Variants in KATNAL1 observed in about 807,000 individuals in gnomAD.
The protein encoded by KATNAL1 is katanin catalytic subunit A1 like 1.
In KATNAL1, 32 loss-of-function variants were observed where a neutral mutation model predicts 55.2. The ratio of observed to expected loss-of-function variants is 0.58; its 90% CI spans 0.44 to 0.78. KATNAL1 has a LOEUF of 0.78. KATNAL1 is among the 30% of genes least tolerant of loss of function. The probability of loss-of-function intolerance (pLI) is 0.00; values close to 1 mark genes in which losing one functional copy is unlikely to be tolerated. For synonymous variants in KATNAL1, 193 were observed against 193.6 expected, an observed-to-expected ratio of 1.00 and a Z score of 0.02; for missense variants, 466 against 600.9, an observed-to-expected ratio of 0.78 and a Z score of 2.35.
intron 9 of KATNAL1, among the ~76,000 whole-genome samples, chr13:30,223,118 A>G (rs1336050279): frequency 6.6e-6 from 1 of 151,630 alleles, no homozygotes; most frequent in Admixed American, 6.6e-5. Context: ...AAAAAGAGAT[A>G]CAGACTGGAC....
chr13:30,208,418 T>A lies in KATNAL1; in HGVS notation c.*122A>T, dbSNP rs1311027332. The A allele has an allele frequency of 1.7e-5, 13 of 751,794 alleles. No homozygotes were observed. The highest frequency in any genetic ancestry group is 2.7e-5 in the Non-Finnish European group (13 of 480,942). 46.6% of individuals were successfully genotyped at this position (751,794 alleles called of 1,614,324 possible). ...TAGTATTCTTCGCAGTTTTAGATTTTTTTTTCCTTTAAGCGAAAACCACTC... is the reference window on the plus strand; with the variant it reads ...TAGTATTCTTCGCAGTTTTAGATTTATTTTTCCTTTAAGCGAAAACCACTC... On this transcript the variant is annotated 3_prime_UTR_variant, in exon 11 of 11. Transcript: ENST00000380615.
intron 6 of KATNAL1, among the ~76,000 whole-genome samples, chr13:30,233,872 C>A (rs1566096715): frequency 6.6e-6 from 1 of 152,100 alleles, no homozygotes; most frequent in Non-Finnish European, 1.5e-5. Flanking sequence ...TGTTTTCATT[C>A]ATTTGTGGGA....
intron 4 of KATNAL1, among the ~76,000 whole-genome samples, chr13:30,246,705 C>T (rs1445567449): frequency 6.6e-6 from 1 of 152,016 alleles, no homozygotes; most frequent in African/African-American, 2.4e-5. Context: ...GAAAAAAACA[C>T]AAATAACCCC....
At position 30,202,930 on chromosome 13, in the gene KATNAL1, T is replaced by C. The variant is rs1298660568; in HGVS notation, c.*5610A>G. The C allele has an allele frequency of 6.6e-6, 1 of 152,238 alleles. No individual in the cohort carries two copies. Among genetic ancestry groups the C allele is most frequent in the Non-Finnish European group, 1.5e-5 (1 of 68,044 alleles). 9.4% of individuals were successfully genotyped at this position (152,238 alleles called of 1,614,324 possible). A position where few individuals can be genotyped will look rare whatever the true frequency, so the allele number is the denominator to read the frequency against. On this transcript the variant is annotated 3_prime_UTR_variant, in exon 11 of 11. Transcript: ENST00000380615. Reference sequence around the variant, plus strand: ...CTGCTGCCGTACCATCATATGAATATACATTTGTCAGTAAAAATGTGACAA... The same window carrying C: ...CTGCTGCCGTACCATCATATGAATACACATTTGTCAGTAAAAATGTGACAA...
intron 1 of KATNAL1, among the ~76,000 whole-genome samples, chr13:30,299,686 T>C (rs1318370936): frequency 6.6e-6 from 1 of 152,222 alleles, no homozygotes; most frequent in Non-Finnish European, 1.5e-5. Flanking sequence ...TGAGATTATG[T>C]ATTCAAAAAT....
chr13:30,257,036 A>G (rs1177426814), intron 3 of KATNAL1, among the ~76,000 whole-genome samples: 1 of 152,226 alleles, frequency 6.6e-6, no homozygotes, highest in African/African-American at 2.4e-5. Flanking sequence ...GTATTATTAC[A>G]TTATCATCTT....
intron 4 of KATNAL1, among the ~76,000 whole-genome samples, chr13:30,242,122 T>C (rs1877340260): frequency 6.6e-6 from 1 of 152,176 alleles, no homozygotes; most frequent in East Asian, 1.9e-4. Context: ...TACCAAGTCA[T>C]ATTCAAACAA....
chr13:30,298,303 T>C (rs1306961957), intron 1 of KATNAL1, among the ~76,000 whole-genome samples: 12 of 152,242 alleles, frequency 7.9e-5, no homozygotes, highest in Non-Finnish European at 4.4e-5. Context: ...TTTAGAATAA[T>C]GCTTTTGAGA....
Position 30,280,100 on chromosome 13 carries a change from G to T in KATNAL1, c.286C>A (p.Pro96Thr). 1 of 1,612,620 alleles carries T rather than the reference G, an allele frequency of 6.2e-7. No individual in the cohort carries two copies. Among genetic ancestry groups the T allele is most frequent in the South Asian group, 1.1e-5 (1 of 90,820 alleles). The change falls in exon 3 of 11, where the codon CCT becomes ACT. Residue 96 changes from proline (P) to threonine (T), a missense_variant. Physicochemically the swap from Pro to Thr is conservative, Grantham distance 38. Around this residue, in one of 3 missense-constraint regions of KATNAL1, gnomAD observed 248 missense variants for 275.5 expected, o/e 0.90. Transcript: ENST00000380615. ...VSCQDEPFRD[P>T]AVWPPPVPAE... ...GGAACAGGGGGTGGCCAAACAGCAG[G>T]ATCTCTAAATGGTTCATCTTGACAG...
Position 30,209,984 on chromosome 13 carries a change from G to A in KATNAL1, c.1274+332C>T, listed in dbSNP as rs1046888901. 2.0e-5 allele frequency among the ~76,000 whole-genome samples: 3 copies of A among 151,806 alleles called. No homozygotes were observed. In the South Asian group the frequency reaches 6.3e-4, roughly 32 times the overall value. On this transcript the variant is annotated intron_variant, in intron 10 of 10. Transcript: ENST00000380615. ...TTTTTAGTAGAGGCGGGGTTTCACC[G>A]TGTTAGCCAGGATGGTCTCGATCTC...
At chr13:30,214,271 G>C (rs1254788189) in intron 9 of KATNAL1, among the ~76,000 whole-genome samples, 1 of 152,190 alleles carries the variant, frequency 6.6e-6, no homozygotes, top group African/African-American at 2.4e-5. Flanking sequence ...TGAAATAAAA[G>C]AGGATACAAA....
chr13:30,231,330 C>T lies in KATNAL1; in HGVS notation c.869G>A (p.Arg290His), dbSNP rs371832687. The change falls in exon 7 of 11, where the codon CGT becomes CAT. Residue 290 changes from arginine (R) to histidine (H), a missense_variant. Coordinates refer to ENST00000380615, the MANE Select transcript of KATNAL1 (RefSeq NM_032116.5). ...KYRGESEKLV[R>H]LLFEMARFYA... ...GTCACTCACCATCTCAAACAACAGA[C>T]GAACTAACTTCTCAGATTCACCTCT... 31 of 1,606,848 alleles carry T rather than the reference C, an allele frequency of 1.9e-5. No individual in the cohort carries two copies. The highest frequency in any genetic ancestry group is 2.5e-5 in the Non-Finnish European group (29 of 1,176,612).
At chr13:30,271,321 T>C (rs1409126352) in intron 3 of KATNAL1, among the ~76,000 whole-genome samples, 1 of 152,226 alleles carries the variant, frequency 6.6e-6, no homozygotes. Flanking sequence ...CTTGCACTGC[T>C]ATAAAGAAAT....
At chr13:30,272,493 C>T (rs116526448) in intron 3 of KATNAL1, among the ~76,000 whole-genome samples, 1,748 of 152,270 alleles carry the variant, frequency 0.011, 38 homozygotes, top group African/African-American at 0.04. Flanking sequence ...GGGGAGATGA[C>T]AATCACTAAC....
In KATNAL1 at chr13:30,205,781, TGTGTGTGTC is replaced by T. The variant is rs1873067317; in HGVS notation, c.*2750_*2758del. 1 of 154,984 alleles carries T rather than the reference TGTGTGTGTC, an allele frequency of 6.5e-6. No individual in the cohort carries two copies. Among genetic ancestry groups the T allele is most frequent in the Non-Finnish European group, 1.4e-5 (1 of 71,292 alleles). The allele number at this position is 154,984 out of a possible 1,614,324, so 9.6% of individuals were successfully genotyped here. A position where few individuals can be genotyped will look rare whatever the true frequency, so the allele number is the denominator to read the frequency against. On this transcript the variant is annotated 3_prime_UTR_variant, in exon 11 of 11. Transcript: ENST00000380615. ...GTGTGTGTGTGTGTGTGTGTGTGTG[TGTGTGTGTC>T]TCACGCCTATAAGGCAACACACTGT... is the stretch of plus-strand genomic sequence containing the variant.
chr13:30,276,604 T>A (rs1880865560), intron 3 of KATNAL1, among the ~76,000 whole-genome samples: 1 of 152,202 alleles, frequency 6.6e-6, no homozygotes, highest in African/African-American at 2.4e-5. Flanking sequence ...GTGTGGTACT[T>A]GCTTAGAAAG....
intron 4 of KATNAL1, among the ~76,000 whole-genome samples, chr13:30,254,705 T>A (rs2137460620): frequency 6.6e-6 from 1 of 152,330 alleles, no homozygotes; most frequent in Admixed American, 6.5e-5. Flanking sequence ...ATAAAACTTT[T>A]CTGTGGCAAT....
At chr13:30,230,723 T>G in intron 7 of KATNAL1, 129 bp from the exon 8 acceptor site, 2 of 662,188 alleles carry the variant, frequency 3.0e-6, no homozygotes, top group Non-Finnish European at 4.9e-6. Flanking sequence ...ATCATCTGGT[T>G]ATGGCAAAGG....
Position 30,221,449 on chromosome 13 carries a change from A to C in KATNAL1, c.1147+5963T>G, listed in dbSNP as rs147581840. 4.6e-5 allele frequency among the ~76,000 whole-genome samples: 7 copies of C among 152,340 alleles called. No individual in the cohort carries two copies. In the East Asian group the frequency reaches 1.2e-3, roughly 25 times the overall value. ...ATCCCTACAATGTAGCACATACAGT[A>C]AAATTATTGGATATGTGAAGAAGCA... On this transcript the variant is annotated intron_variant, in intron 9 of 10. Transcript: ENST00000380615.
Sources: allele counts gnomAD v4.1 joint callset (sites outside exome capture counted in the v4.1 genomes callset), GRCh38; gene constraint gnomAD v4.1.1; regional missense constraint gnomAD v4.1.1; transcripts MANE v1.5; gene names NCBI Gene and HGNC (gene_info 2026-07-23, HGNC 2026-07-21).